The following PCDH9 variants were observed in gnomAD, a reference collection of about 807,000 sequenced individuals.
The protein encoded by PCDH9 is protocadherin-9.
Under a neutral mutation model 70.6 loss-of-function variants are expected in PCDH9, and 24 were observed. The ratio of observed to expected loss-of-function variants is 0.34; its 90% CI spans 0.25 to 0.48. The LOEUF is 0.48. Among genes scored for constraint, PCDH9 ranks in the 20% least tolerant of loss-of-function variants. The pLI is 0.99. For missense variants in PCDH9, 1,281 were observed against 1,503.6 expected (o/e 0.85, Z 2.45); for synonymous variants, 562 against 558.5 (o/e 1.01, Z -0.09).
At chr13:66,939,882 G>A (rs950766679) in intron 2 of PCDH9, among the ~76,000 whole-genome samples, 8 of 152,144 alleles carry the variant, frequency 5.3e-5, no homozygotes, top group African/African-American at 7.2e-5. Context: ...CTTTGGGAAC[G>A]AGAGAGGTCT....
At chr13:66,668,289 A>G (rs1421746902) in intron 3 of PCDH9, among the ~76,000 whole-genome samples, 1 of 152,178 alleles carries the variant, frequency 6.6e-6, no homozygotes, top group Non-Finnish European at 1.5e-5. Context: ...AGTAGCATAC[A>G]TGATTTTTGT....
chr13:66,549,518 A>G (rs753603127), intron 4 of PCDH9, among the ~76,000 whole-genome samples: 3 of 151,908 alleles, frequency 2.0e-5, no homozygotes. Flanking sequence ...TTCTCAATAA[A>G]CTGTTCACTT....
At chr13:66,588,822 T>C (rs1593737468) in intron 4 of PCDH9, among the ~76,000 whole-genome samples, 1 of 144,664 alleles carries the variant, frequency 6.9e-6, no homozygotes, top group Non-Finnish European at 1.5e-5. Context: ...GTGTTGAAGT[T>C]AAAAAAAAAA....
chr13:67,127,209 T>C (rs4883796), intron 2 of PCDH9, among the ~76,000 whole-genome samples: 35,272 of 152,098 alleles, frequency 0.23, 4,200 homozygotes, highest in Middle Eastern at 0.28. Flanking sequence ...GCTTTTCTTC[T>C]GTAAGAGGCT....
intron 3 of PCDH9, among the ~76,000 whole-genome samples, chr13:66,841,540 C>T (rs994640753): frequency 6.6e-6 from 1 of 151,944 alleles, no homozygotes; most frequent in African/African-American, 2.4e-5. Flanking sequence ...TTTTTATACT[C>T]AACATATTTC....
intron 2 of PCDH9, among the ~76,000 whole-genome samples, chr13:67,145,755 G>C (rs2087508409): frequency 2.0e-5 from 3 of 151,872 alleles, no homozygotes; most frequent in Admixed American, 2.0e-4. Flanking sequence ...GATGGTTACT[G>C]TACTATTTTT....
intron 4 of PCDH9, among the ~76,000 whole-genome samples, chr13:66,447,856 G>A (rs912641712): frequency 1.3e-5 from 2 of 152,064 alleles, no homozygotes; most frequent in African/African-American, 4.8e-5. Context: ...TTGCCATATT[G>A]CAAATCCAAC....
chr13:66,672,863 G>A (rs551736546), intron 3 of PCDH9, among the ~76,000 whole-genome samples: 18 of 152,260 alleles, frequency 1.2e-4, no homozygotes, highest in African/African-American at 4.3e-4. Flanking sequence ...TGGAGCAGGT[G>A]TATTTACCCA....
At chr13:67,172,924 T>C (rs1477062712) in intron 2 of PCDH9, among the ~76,000 whole-genome samples, 1 of 147,252 alleles carries the variant, frequency 6.8e-6, no homozygotes, top group Non-Finnish European at 1.5e-5. Flanking sequence ...TATCCAAACA[T>C]TCAAGAGAAG....
intron 2 of PCDH9, among the ~76,000 whole-genome samples, chr13:67,182,936 T>C (rs941504513): frequency 6.6e-6 from 1 of 152,086 alleles, no homozygotes; most frequent in African/African-American, 2.4e-5. Flanking sequence ...ATCTTTTCAA[T>C]CTCCTGAAAA....
intron 2 of PCDH9, among the ~76,000 whole-genome samples, chr13:67,063,610 A>G (rs906440128): frequency 6.6e-6 from 1 of 151,998 alleles, no homozygotes; most frequent in African/African-American, 2.4e-5. Context: ...CGATTTGCCA[A>G]TGAGGTCTCA....
chr13:67,089,324 A>G (rs1248724093), intron 2 of PCDH9, among the ~76,000 whole-genome samples: 1 of 152,060 alleles, frequency 6.6e-6, no homozygotes, highest in Admixed American at 6.6e-5. Flanking sequence ...CTGCTTATTA[A>G]TAAAACCCAA....
intron 4 of PCDH9, among the ~76,000 whole-genome samples, chr13:66,372,100 T>A (rs540554201): frequency 6.6e-6 from 1 of 152,168 alleles, no homozygotes; most frequent in Non-Finnish European, 1.5e-5. Context: ...GATTGCTAAT[T>A]GTGTGCAGAG....
chr13:66,773,026 A>C (rs2079833213), intron 3 of PCDH9, among the ~76,000 whole-genome samples: 1 of 152,218 alleles, frequency 6.6e-6, no homozygotes, highest in Admixed American at 6.5e-5. Context: ...GAATAAATTA[A>C]GCTAAATGTA....
intron 4 of PCDH9, among the ~76,000 whole-genome samples, chr13:66,414,632 A>T (rs567457815): frequency 6.6e-6 from 1 of 152,362 alleles, no homozygotes; most frequent in Non-Finnish European, 1.5e-5. Context: ...AAAGGCTTAT[A>T]GTTTTTGCAG....
chr13:67,226,220 G>C lies in PCDH9; in HGVS notation c.2221C>G (p.Pro741Ala). ...TGCAATCCCACATCAGTAGGTGCTG[G>C]TTTTTCTTCCAGAGTAATGTTACCT... The part of the protein sequence containing the change: ...VTGNITLEEK[P>A]APTDVGLHRL... The change falls in exon 2 of 5, where the codon CCA (proline) becomes GCA (alanine). Residue 741 changes from proline (P) to alanine (A), a missense_variant. Physicochemically the swap from Pro to Ala is conservative, Grantham distance 27 (BLOSUM62 -1). This residue lies in a region of PCDH9 where 798 missense variants were observed against 1,003.1 expected (regional missense o/e 0.80). Coordinates refer to ENST00000377865, the MANE Select transcript of PCDH9 (RefSeq NM_203487.3). The surrounding 1 kb of genome is among the most constrained non-coding windows in gnomAD (Gnocchi z 5.0). The C allele has an allele frequency of 6.2e-7, 1 of 1,614,096 alleles. No homozygotes were observed. The highest frequency in any genetic ancestry group is 1.6e-4 in the Middle Eastern group (1 of 6,062).
At chr13:66,739,356 AG>A (rs1461248170) in intron 3 of PCDH9, among the ~76,000 whole-genome samples, 2 of 146,630 alleles carry the variant, frequency 1.4e-5, no homozygotes, top group Non-Finnish European at 3.0e-5. Context: ...AAGCATGGAA[AG>A]GAACAACCGG....
chr13:66,357,536 C>T (rs924547467), intron 4 of PCDH9, among the ~76,000 whole-genome samples: 1 of 151,956 alleles, frequency 6.6e-6, no homozygotes, highest in African/African-American at 2.4e-5. Context: ...TCAAATCCTT[C>T]ATAGCTACTC....
intron 3 of PCDH9, among the ~76,000 whole-genome samples, chr13:66,826,287 T>G (rs2080822176): frequency 6.6e-6 from 1 of 152,176 alleles, no homozygotes; most frequent in African/African-American, 2.4e-5. Flanking sequence ...AAAATATCAT[T>G]CTCCAGGATT....
Sources: allele counts gnomAD v4.1 joint callset (sites outside exome capture counted in the v4.1 genomes callset), GRCh38; gene constraint gnomAD v4.1.1; regional missense constraint gnomAD v4.1.1; non-coding constraint Gnocchi (gnomAD v3.1); transcripts MANE v1.5; gene names NCBI Gene and HGNC (gene_info 2026-07-23, HGNC 2026-07-21).